Variants in DNAH17 observed in about 807,000 individuals in gnomAD.
DNAH17 encodes the protein axonemal beta dynein heavy chain 17.
A neutral mutation model predicts 485.6 loss-of-function variants in DNAH17; 376 were observed. The observed-to-expected ratio is 0.77, with a 90% CI of 0.71 to 0.84. DNAH17 has a LOEUF of 0.84. DNAH17 is among the 40% of genes least tolerant of loss of function. DNAH17 has a pLI of 0.00. For missense variants in DNAH17, 6,370 were observed against 5,839.3 expected, an observed-to-expected ratio of 1.09 and a Z score of -2.96; for synonymous variants, 3,031 against 2,405.9, an observed-to-expected ratio of 1.26 and a Z score of -7.60.
At chr17:78,560,000 A>G (rs968270955) in intron 13 of DNAH17, among the ~76,000 whole-genome samples, 2 of 151,964 alleles carry the variant, frequency 1.3e-5, no homozygotes, top group African/African-American at 2.4e-5. Context: ...TACCGGCTCT[A>G]TTGATCTTCT....
At chr17:78,572,672 G>A (rs768159597) in intron 3 of DNAH17, 29 bp downstream of exon 3, 94 of 1,560,254 alleles carry the variant, frequency 6.0e-5, no homozygotes, top group Middle Eastern at 3.6e-4. Flanking sequence ...CCCACCCAGC[G>A]GCAGCCGGAA....
At chr17:78,566,458 G>A (rs754638790) in intron 11 of DNAH17, among the ~76,000 whole-genome samples, 156 bp downstream of exon 11, 6 of 152,208 alleles carry the variant, frequency 3.9e-5, no homozygotes, top group South Asian at 2.1e-4. Context: ...GGGTGTTCAC[G>A]GCTGACTGAC....
At chr17:78,491,901 T>C (rs1457373562) in intron 42 of DNAH17, among the ~76,000 whole-genome samples, 1 of 152,192 alleles carries the variant, frequency 6.6e-6, no homozygotes, top group Non-Finnish European at 1.5e-5. Context: ...GCTCTGTCCA[T>C]CTGTCCACTC....
At chr17:78,571,224 T>C (rs2143731237) in intron 5 of DNAH17, 55 bp downstream of exon 5, 1 of 1,511,768 alleles carries the variant, frequency 6.6e-7, no homozygotes, top group Middle Eastern at 1.8e-4. Context: ...GACCCAGCCC[T>C]CCCAGGAGGC....
intron 31 of DNAH17, 61 bp downstream of exon 31, chr17:78,505,232 G>T (rs1452895491): frequency 6.3e-7 from 1 of 1,597,950 alleles, no homozygotes; most frequent in Non-Finnish European, 8.6e-7. Flanking sequence ...GAGGGCGTGT[G>T]GCCCACACGC....
chr17:78,561,724 A>T lies in DNAH17; in HGVS notation c.1826T>A (p.Val609Asp). The change falls in exon 12 of 81, where the codon GTC becomes GAC. Residue 609 changes from valine to aspartate, a missense_variant. Physicochemically the swap from Val to Asp is radical, Grantham distance 152. Transcript: ENST00000389840. ...CAGGGCTGTGACTCACGGGTGTTCG[A>T]CGTGCTTCAGGTGTTTCATGGACAC... ...LEVSMKHLKH[V>D]EHPVMSGAEA... 1 of 1,607,318 alleles carries T rather than the reference A, an allele frequency of 6.2e-7. No individual in the cohort carries two copies.
chr17:78,424,221 G>T (rs1264770003), intron 80 of DNAH17, 68 bp from the exon 81 acceptor site: 14 of 1,539,470 alleles, frequency 9.1e-6, no homozygotes, highest in South Asian at 1.2e-5. Flanking sequence ...GGCAGGAAGG[G>T]TGGGGTCCTC....
At position 78,424,727 on chromosome 17, in the gene DNAH17, TG is replaced by T. The variant is rs2086346613; in HGVS notation, c.13142-575del. Among the ~76,000 whole-genome samples the T allele has an allele frequency of 2.0e-5, 3 of 152,124 alleles. No homozygotes were observed. In the South Asian group the frequency reaches 6.2e-4, roughly 32 times the overall value. On this transcript the variant is annotated intron_variant, in intron 80 of 80. Coordinates refer to ENST00000389840, the MANE Select transcript of DNAH17 (RefSeq NM_173628.4). ...CCCAACCCTGCCACCCCACAGGTAA[TG>T]GGGTGACGTCAGCTGTTGAAGGGGA...
At position 78,571,770 on chromosome 17, in the gene DNAH17, T is replaced by C. The variant is rs375809552; in HGVS notation, c.552A>G (p.Ser184=). The C allele has an allele frequency of 3.8e-5, 61 of 1,591,666 alleles. No homozygotes were observed. Among genetic ancestry groups the C allele is most frequent in the Middle Eastern group, 3.4e-4 (2 of 5,958 alleles). ...TGGCGTGCAGGAGCAAGTTGTCCAG[T>C]GAAGAGGGGATCCTGCCCAGTGGAA... The part of the protein sequence containing the change: ...TLESMERIPS[S]LDNLLLHAIE... The change falls in exon 4 of 81, where the codon TCA becomes TCG. Residue 184 remains serine, a synonymous_variant. Coordinates refer to ENST00000389840, the MANE Select transcript of DNAH17 (RefSeq NM_173628.4).
rs2090660882 is a variant in DNAH17 at position 78,512,538 on chromosome 17, GAGA to G, written c.4114-2035_4114-2033del. Among the ~76,000 whole-genome samples, 5 of 151,652 alleles carry G rather than the reference GAGA, an allele frequency of 3.3e-5. 1 individual carries two copies. The South Asian group carries it at 1.0e-3, about 32-fold the overall frequency. On this transcript the variant is annotated intron_variant, in intron 26 of 80. Transcript: ENST00000389840. ...GGTTTATTTTGAGCTGAAGGCACTT[GAGA>G]AGAAGCAGATACAAGAGAAGCTCTC...
At chr17:78,510,601 G>C (rs1272813863) in intron 26 of DNAH17, 95 bp from the exon 27 acceptor site, 3 of 1,534,550 alleles carry the variant, frequency 2.0e-6, no homozygotes, top group African/African-American at 2.7e-5. Flanking sequence ...CATTGCCGGG[G>C]CACGATCCCG....
chr17:78,448,505 T>C (rs1336876428), intron 69 of DNAH17, among the ~76,000 whole-genome samples: 1 of 152,116 alleles, frequency 6.6e-6, no homozygotes, highest in Admixed American at 6.6e-5. Flanking sequence ...CTAGCCTGGG[T>C]GACAGAGTGA....
chr17:78,473,404 C>T (rs974531870), intron 54 of DNAH17, among the ~76,000 whole-genome samples: 2 of 151,882 alleles, frequency 1.3e-5, no homozygotes, highest in Non-Finnish European at 2.9e-5. Flanking sequence ...ATTAGACGGG[C>T]GTGGTGGCGG....
At position 78,507,223 on chromosome 17, in the gene DNAH17, G is replaced by A. The variant is rs558210197; in HGVS notation, c.4676+55C>T. 3 of 1,595,268 alleles carry A rather than the reference G, an allele frequency of 1.9e-6. No homozygotes were observed. The East Asian group carries it at 6.7e-5, about 36-fold the overall frequency. ...AAGACTTAAGTTCCGTCAGACTTAA[G>A]ACTTAGGGAATCTGCACCACTGACT... is the stretch of plus-strand genomic sequence containing the variant. On this transcript the variant is annotated intron_variant, in intron 29 of 80. Transcript: ENST00000389840.
chr17:78,468,173 T>A (rs1403356708), intron 55 of DNAH17, among the ~76,000 whole-genome samples: 7 of 150,962 alleles, frequency 4.6e-5, no homozygotes, highest in Admixed American at 4.6e-4. Flanking sequence ...AAAAAAATAA[T>A]AAAAAATAAT....
In DNAH17 at chr17:78,569,537, AGAG is replaced by A. The variant is rs887959327; in HGVS notation, c.1045-13_1045-11del. The stretch of plus-strand genomic sequence containing the variant: ...TCAGGAAGGTTCGTGTCTGGGCAAA[AGAG>A]AAGACAGACATCTAAAGCTCCGACA... On this transcript the variant is annotated splice_polypyrimidine_tract_variant and intron_variant, in intron 7 of 80. Transcript: ENST00000389840. 2 of 1,598,040 alleles carry A rather than the reference AGAG, an allele frequency of 1.3e-6. No homozygotes were observed. The highest frequency in any genetic ancestry group is 2.3e-5 in the East Asian group (1 of 44,360).
chr17:78,484,633 G>A (rs1057143663), intron 48 of DNAH17: 4 of 325,048 alleles, frequency 1.2e-5, no homozygotes, highest in African/African-American at 2.2e-5. Context: ...GGTGATGGAC[G>A]AAACTGATAG....
Position 78,490,797 on chromosome 17 carries a change from C to A in DNAH17, c.6720G>T (p.Arg2240Ser). 6.2e-7 allele frequency: 1 copy of A among 1,604,362 alleles called. No individual in the cohort carries two copies. Among genetic ancestry groups the A allele is most frequent in the Non-Finnish European group, 8.5e-7 (1 of 1,175,768 alleles). The change falls in exon 44 of 81, where the codon AGG becomes AGT. Residue 2240 changes from arginine to serine, a missense_variant. Transcript: ENST00000389840. ...TCAGGTGGCTGATTTCGAACACCAG[C>A]CTCATGGTGCGGTTCAGGGGGATCC... ...NERIPLNRTM[R>S]LVFEISHLRT...
In DNAH17 at chr17:78,510,419, C is replaced by A. The variant is rs373964069; in HGVS notation, c.4201G>T (p.Val1401Leu). ...CCCGACTCCTTCACGGCCTTGTCCA[C>A]GATGTTGCGGACCTCATCCTCGTAA... ...HSYEDEVRNI[V>L]DKAVKESGME... Residue 1401 changes from valine (V) to leucine (L), a missense_variant, in exon 27 of 81, where the codon GTG becomes TTG. Coordinates refer to ENST00000389840, the MANE Select transcript of DNAH17 (RefSeq NM_173628.4). The A allele has an allele frequency of 6.2e-7, 1 of 1,613,500 alleles. No individual in the cohort carries two copies. Among genetic ancestry groups the A allele is most frequent in the Admixed American group, 1.7e-5 (1 of 60,004 alleles).
Sources: gnomAD v4.1 joint callset for allele counts (sites outside exome capture counted in the v4.1 genomes callset) on GRCh38, gnomAD v4.1.1 for gene constraint, MANE v1.5 for transcripts, NCBI Gene and HGNC (gene_info 2026-07-23, HGNC 2026-07-21) for gene names.